Variants in FLYWCH1 observed in about 807,000 individuals in gnomAD.
FLYWCH1 encodes the protein FLYWCH-type zinc finger-containing protein 1.
In FLYWCH1, 75 loss-of-function variants were observed where a neutral mutation model predicts 66.4. The observed-to-expected ratio is 1.13, with a 90% confidence interval of 0.94 to 1.37. The LOEUF (loss-of-function observed/expected upper bound fraction) is 1.37. Among genes scored for constraint, FLYWCH1 ranks in the 40% most tolerant of loss-of-function variants. The probability of loss-of-function intolerance (pLI) is 0.00; values close to 1 mark genes in which losing one functional copy is unlikely to be tolerated. For synonymous variants in FLYWCH1, 595 were observed against 429.9 expected (o/e 1.38, Z -4.75); for missense variants, 1,334 against 1,001.8 (o/e 1.33, Z -4.48).
In FLYWCH1 at chr16:2,938,432, AC is replaced by A; in HGVS notation, c.2028del (p.Thr677ArgfsTer126). On this transcript the variant is annotated frameshift_variant, in exon 8 of 10. Transcript: ENST00000253928. LOFTEE classifies it high-confidence loss of function. ...CTTGAGGCAACGGGAGCGGCTCCCC[AC>A]CACGGCCCAGCAGGAGGACCCAGGT... ...EALRQRERLP[T>X]TAQQEDPEKI... 2.6e-6 allele frequency: 4 copies of A among 1,527,928 alleles called. No homozygotes were observed. Among genetic ancestry groups the A allele is most frequent in the South Asian group, 1.3e-5 (1 of 77,370 alleles). 94.6% of individuals were successfully genotyped at this position (1,527,928 alleles called of 1,614,324 possible).
Position 2,950,692 on chromosome 16 carries a change from G to A in FLYWCH1, c.*1965G>A, listed in dbSNP as rs938472453. 4.6e-5 allele frequency: 7 copies of A among 152,262 alleles called. No homozygotes were observed. Among genetic ancestry groups the A allele is most frequent in the Admixed American group, 1.3e-4 (2 of 15,278 alleles). 9.4% of individuals were successfully genotyped at this position (152,262 alleles called of 1,614,324 possible). A position where few individuals can be genotyped will look rare whatever the true frequency, so the allele number is the denominator to read the frequency against. ...TGAGGCGAATCAGAGGAAGAATATCGGCTTCTCTTCCCTTTTGGATATTTG... is the reference window on the plus strand; with the variant it reads ...TGAGGCGAATCAGAGGAAGAATATCAGCTTCTCTTCCCTTTTGGATATTTG... On this transcript the variant is annotated 3_prime_UTR_variant, in exon 10 of 10. Transcript: ENST00000253928.
chr16:2,925,504 G>A (rs1252002872), intron 2 of FLYWCH1, among the ~76,000 whole-genome samples: 1 of 151,230 alleles, frequency 6.6e-6, no homozygotes, highest in Non-Finnish European at 1.5e-5. Flanking sequence ...GCGAGGGAGC[G>A]GGAGGGGCGG....
chr16:2,937,180 C>T lies in FLYWCH1; in HGVS notation c.1573C>T (p.Leu525Phe), dbSNP rs1567344172. The change falls in exon 7 of 10, where the codon CTC becomes TTC. Residue 525 changes from leucine to phenylalanine, a missense_variant. Transcript: ENST00000253928. Reference sequence around the variant, plus strand: ...CAGCTTCCTGGTGTACGAGTCCTTCCTCTACCGGCGGGAGAAGGCGGCCGG... The same window carrying T: ...CAGCTTCCTGGTGTACGAGTCCTTCTTCTACCGGCGGGAGAAGGCGGCCGG... The part of the protein sequence containing the change: ...GGSFLVYESF[L>F]YRREKAAGEK... 6 of 1,391,300 alleles carry T rather than the reference C, an allele frequency of 4.3e-6. No homozygotes were observed. The highest frequency in any genetic ancestry group is 4.0e-5 in the South Asian group (3 of 75,876). The allele number at this position is 1,391,300 out of a possible 1,614,324, so 86.2% of individuals were successfully genotyped here.
intron 2 of FLYWCH1, among the ~76,000 whole-genome samples, chr16:2,919,898 G>T (rs529236328): frequency 7.2e-5 from 11 of 152,064 alleles, no homozygotes; most frequent in African/African-American, 4.8e-5. Context: ...CGCTTCCCCC[G>T]TGACGGGTGG....
At position 2,933,890 on chromosome 16, in the gene FLYWCH1, G is replaced by A. The variant is rs767836804; in HGVS notation, c.1424G>A (p.Arg475His). The change falls in exon 6 of 10, where the codon CGT (arginine) becomes CAT (histidine). Residue 475 changes from arginine to histidine, a missense_variant. By Grantham distance (29) the Arg-to-His change is conservative. Coordinates refer to ENST00000253928, the MANE Select transcript of FLYWCH1 (RefSeq NM_001308068.2). ...CAGGGCCGACGGGTGACTGTCATGCGTGGTCACTGCCACCCGCCCGACCTG... is the reference window on the plus strand; with the variant it reads ...CAGGGCCGACGGGTGACTGTCATGCATGGTCACTGCCACCCGCCCGACCTG... ...ITQGRRVTVM[R>H]GHCHPPDLGG... 46 of 1,590,978 alleles carry A rather than the reference G, an allele frequency of 2.9e-5. No individual in the cohort carries two copies. In the East Asian group the frequency reaches 5.3e-4, roughly 18 times the overall value.
chr16:2,921,452 C>G (rs185571740), intron 2 of FLYWCH1, among the ~76,000 whole-genome samples: 1 of 151,890 alleles, frequency 6.6e-6, no homozygotes, highest in East Asian at 1.9e-4. Flanking sequence ...CCATCCGGTG[C>G]TTGGGAGGCT....
At chr16:2,921,143 G>C (rs1276154040) in intron 2 of FLYWCH1, among the ~76,000 whole-genome samples, 2 of 151,910 alleles carry the variant, frequency 1.3e-5, no homozygotes, top group African/African-American at 4.8e-5. Context: ...TCCCAGACAG[G>C]GATTGTTTTT....
At chr16:2,922,088 A>G (rs1405485184) in intron 2 of FLYWCH1, among the ~76,000 whole-genome samples, 2 of 152,206 alleles carry the variant, frequency 1.3e-5, no homozygotes, top group Non-Finnish European at 2.9e-5. Flanking sequence ...AAATGGGTAC[A>G]TTTTGAATCA....
At chr16:2,936,415 C>T (rs912001055) in intron 6 of FLYWCH1, 3 of 456,178 alleles carry the variant, frequency 6.6e-6, no homozygotes, top group South Asian at 3.1e-5. Flanking sequence ...CCCTCTCCAT[C>T]CCTCTTGAAG....
chr16:2,923,532 C>T (rs558398714), intron 2 of FLYWCH1, among the ~76,000 whole-genome samples: 114 of 152,270 alleles, frequency 7.5e-4, no homozygotes, highest in African/African-American at 2.2e-3. Flanking sequence ...AGGCGTGAGC[C>T]ACAGCGCCCG....
chr16:2,934,032 C>A (rs575129059), intron 6 of FLYWCH1, 53 bp downstream of exon 6: 241 of 1,465,120 alleles, frequency 1.6e-4, no homozygotes, highest in East Asian at 5.5e-4. Context: ...AGGAGCCCCA[C>A]ACTGCCTTTC....
At chr16:2,941,200 C>T (rs1013572195) in intron 9 of FLYWCH1, among the ~76,000 whole-genome samples, 1 of 152,190 alleles carries the variant, frequency 6.6e-6, no homozygotes, top group African/African-American at 2.4e-5. Context: ...CGCCTGTAAT[C>T]TCAACACTCT....
chr16:2,920,667 G>A (rs1019203189), intron 2 of FLYWCH1, among the ~76,000 whole-genome samples: 2 of 151,456 alleles, frequency 1.3e-5, no homozygotes, highest in Non-Finnish European at 2.9e-5. Flanking sequence ...TCAGCCTCCC[G>A]AGTAGCTGGG....
At chr16:2,935,535 G>A (rs2070961559) in intron 6 of FLYWCH1, 1 of 152,180 alleles carries the variant, frequency 6.6e-6, no homozygotes, top group South Asian at 2.1e-4. Flanking sequence ...TTTGTGGTTT[G>A]GAGAAGTCCT....
At position 2,933,972 on chromosome 16, in the gene FLYWCH1, G is replaced by T. The variant is rs1344667327; in HGVS notation, c.1506G>T (p.Gly502=). The change falls in exon 6 of 10, where the codon GGG becomes GGT. Residue 502 remains glycine, a synonymous_variant. Coordinates refer to ENST00000253928, the MANE Select transcript of FLYWCH1 (RefSeq NM_001308068.2). ...AACGCCCCAACACGGCGCAGCGGGG[G>T]AGCCCAGGTACCTGGGGGTGGGCTG... is the stretch of plus-strand genomic sequence containing the variant. ...REKRPNTAQR[G]SPGGPEFLKT... 2 of 1,534,284 alleles carry T rather than the reference G, an allele frequency of 1.3e-6. No homozygotes were observed. The highest frequency in any genetic ancestry group is 1.8e-6 in the Non-Finnish European group (2 of 1,138,510).
At chr16:2,931,572 C>T (rs1047558856) in intron 4 of FLYWCH1, among the ~76,000 whole-genome samples, 9 of 151,866 alleles carry the variant, frequency 5.9e-5, no homozygotes, top group East Asian at 3.9e-4. Context: ...GCCGGGATCA[C>T]GCCACTGCCC....
chr16:2,924,606 G>A (rs2070490810), intron 2 of FLYWCH1, among the ~76,000 whole-genome samples: 1 of 152,156 alleles, frequency 6.6e-6, no homozygotes, highest in East Asian at 1.9e-4. Context: ...CAGGGCCCTG[G>A]CCCGTGAGGC....
chr16:2,944,679 T>C (rs2071406140), intron 9 of FLYWCH1, among the ~76,000 whole-genome samples: 1 of 150,414 alleles, frequency 6.6e-6, no homozygotes, highest in African/African-American at 2.4e-5. Context: ...AAAAATTAGC[T>C]AGGCATGGTG....
chr16:2,936,691 C>G (rs1206155324), intron 6 of FLYWCH1: 1 of 464,380 alleles, frequency 2.2e-6, no homozygotes, highest in East Asian at 6.8e-5. Flanking sequence ...GGTCACACCT[C>G]TACCTGCGCG....
Sources: gnomAD v4.1 joint callset for allele counts (sites outside exome capture counted in the v4.1 genomes callset) on GRCh38, gnomAD v4.1.1 for gene constraint, MANE v1.5 for transcripts, NCBI Gene and HGNC (gene_info 2026-07-23, HGNC 2026-07-21) for gene names.